HAP1: variants seen among roughly 807,000 people sequenced by gnomAD.
HAP1 encodes the protein huntingtin-associated protein 1.
In HAP1, 59 loss-of-function variants were observed where a neutral mutation model predicts 60.3. The ratio of observed to expected loss-of-function variants is 0.98; its 90% CI spans 0.79 to 1.22. The LOEUF is 1.22. HAP1 is among the 50% of genes most tolerant of loss of function. The pLI is 0.00. For missense variants in HAP1, 825 were observed against 785.3 expected (o/e 1.05, Z -0.60); for synonymous variants, 346 against 330.6 (o/e 1.05, Z -0.50).
rs1380779352 is a variant in HAP1, at chr17:41,725,871, G to A, written c.1394C>T (p.Thr465Ile). 2.5e-6 allele frequency: 4 copies of A among 1,612,870 alleles called. No individual in the cohort carries two copies. Among genetic ancestry groups the A allele is most frequent in the Non-Finnish European group, 3.4e-6 (4 of 1,178,932 alleles). ...ERNYEMPRGD[T>I]SSLRYDFRYS... Reference sequence around the variant, plus strand: ...CTGGCAGGCTTACCTTAGGCTGGATGTGTCCCCTCTGGGCATCTCATAATT... The same window carrying A: ...CTGGCAGGCTTACCTTAGGCTGGATATGTCCCCTCTGGGCATCTCATAATT... The change falls in exon 10 of 11, where the codon ACA becomes ATA. Residue 465 changes from threonine to isoleucine, a missense_variant. Thr to Ile is a moderately conservative substitution (Grantham distance 89). Coordinates refer to ENST00000347901, the MANE Select transcript of HAP1 (RefSeq NM_177977.3).
chr17:41,726,993 C>G, intron 9 of HAP1, 60 bp downstream of exon 9: 1 of 853,226 alleles, frequency 1.2e-6, no homozygotes, highest in Non-Finnish European at 1.9e-6. Context: ...AGGGCAAACC[C>G]CCTCCCCACT....
In HAP1 at chr17:41,734,564, G is replaced by A. The variant is rs781914538; in HGVS notation, c.71C>T (p.Thr24Ile). 8 of 1,605,316 alleles carry A rather than the reference G, an allele frequency of 5.0e-6. No individual in the cohort carries two copies. Among genetic ancestry groups the A allele is most frequent in the South Asian group, 1.1e-5 (1 of 90,476 alleles). The change falls in exon 1 of 11, where the codon ACC becomes ATC. Residue 24 changes from threonine to isoleucine, a missense_variant. By Grantham distance (89) the Thr-to-Ile change is moderately conservative (BLOSUM62 -1). Transcript: ENST00000347901. ...RLGPGDPAAL[T>I]CAPSPSASPA... Reference sequence around the variant, plus strand: ...ACTGGCTGAGGGCGAAGGTGCACAGGTGAGTGCTGCTGGGTCCCCGGGTCC... The same window carrying A: ...ACTGGCTGAGGGCGAAGGTGCACAGATGAGTGCTGCTGGGTCCCCGGGTCC...
At chr17:41,733,027 GGTTTTTTTT>G (rs1912354258) in intron 1 of HAP1, among the ~76,000 whole-genome samples, 1 of 62,334 alleles carries the variant, frequency 1.6e-5, no homozygotes, top group African/African-American at 6.5e-5. Context: ...TAGGTTTTTG[GGTTTTTTTT>G]GGTTTTTTTT....
At chr17:41,731,869 T>C in intron 4 of HAP1, 68 bp downstream of exon 4, 1 of 819,014 alleles carries the variant, frequency 1.2e-6, no homozygotes, top group South Asian at 1.5e-5. Context: ...ATCACCTGTG[T>C]CCCTCTTAAC....
chr17:41,719,722 A>G (rs903254183), downstream of HAP1, among the ~76,000 whole-genome samples: 3 of 151,992 alleles, frequency 2.0e-5, no homozygotes, highest in Admixed American at 6.6e-5. Flanking sequence ...TGGAGATTGC[A>G]GTATTTAGTA....
rs782465342 is a variant in HAP1, at chr17:41,727,814, A to T, written c.1223T>A (p.Leu408Ter). The change falls in exon 8 of 11, where the codon TTG becomes TAG. Residue 408 changes from leucine (L) to a stop codon, truncating the protein, a stop_gained. Transcript: ENST00000347901. LOFTEE classifies it high-confidence loss of function. ...CTTCTCCGAAGCCAGCTGCTTCTGC[A>T]ACTTTTCAGTCTCAGCCCCATACTG... ...CRMYGAETEK[L>*]QKQLASEKEI... 4 of 1,609,272 alleles carry T rather than the reference A, an allele frequency of 2.5e-6. No individual in the cohort carries two copies. In the East Asian group the frequency reaches 6.7e-5, roughly 27 times the overall value.
rs1047027654 is a variant in HAP1 at position 41,734,618 on chromosome 17, A to C, written c.17T>G (p.Leu6Trp). Residue 6 changes from leucine to tryptophan, a missense_variant, in exon 1 of 11, where the codon TTG becomes TGG. Transcript: ENST00000347901. MRPKR[L>W]GRCCAGSRLG... ...CCGGCTCCCCGCGCAGCACCGGCCC[A>C]ACCTCTTCGGGCGCATCTCGAGTCT... The C allele has an allele frequency of 3.2e-6, 5 of 1,546,728 alleles. No individual in the cohort carries two copies. The Admixed American group carries it at 5.6e-5, about 17-fold the overall frequency.
rs782606075 is a variant in HAP1, at chr17:41,727,795, C to T, written c.1242G>A (p.Ser414=). Reference sequence around the variant, plus strand: ...GGAGCTGCATCTGGATTTCCTTCTCCGAAGCCAGCTGCTTCTGCAACTTTT... The same window carrying T: ...GGAGCTGCATCTGGATTTCCTTCTCTGAAGCCAGCTGCTTCTGCAACTTTT... ...ETEKLQKQLA[S]EKEIQMQLQE... Residue 414 remains serine, a synonymous_variant, in exon 8 of 11, where the codon TCG becomes TCA. Coordinates refer to ENST00000347901, the MANE Select transcript of HAP1 (RefSeq NM_177977.3). 2.9e-5 allele frequency: 46 copies of T among 1,611,760 alleles called. 1 individual carries two copies. The highest frequency in any genetic ancestry group is 3.3e-4 in the Middle Eastern group (2 of 6,078).
downstream of HAP1, among the ~76,000 whole-genome samples, chr17:41,718,524 A>G (rs1297768102): frequency 6.6e-6 from 1 of 152,170 alleles, no homozygotes; most frequent in Non-Finnish European, 1.5e-5. Flanking sequence ...CTGTCCCAGA[A>G]GAGGGCTGAG....
intron 3 of HAP1, 22 bp downstream of exon 3, chr17:41,732,208 C>A (rs782629094): frequency 6.2e-7 from 1 of 1,613,478 alleles, no homozygotes; most frequent in South Asian, 1.1e-5. Flanking sequence ...GGCCCGCTAT[C>A]CTCTCCTCCC....
In HAP1 at chr17:41,728,285, G is replaced by A; in HGVS notation, c.1116C>T (p.Leu372=). Residue 372 remains leucine, a synonymous_variant, in exon 7 of 11, where the codon CTC becomes CTT. Coordinates refer to ENST00000347901, the MANE Select transcript of HAP1 (RefSeq NM_177977.3). ...GCTGCCGTTCATAGTTTTCCAGCCT[G>A]AGCACCAGCACCTCCGACAGCTCAG... ...QMAELSEVLV[L]RLENYERQQQ... 6.2e-7 allele frequency: 1 copy of A among 1,613,648 alleles called. No individual in the cohort carries two copies. The highest frequency in any genetic ancestry group is 8.5e-7 in the Non-Finnish European group (1 of 1,179,998).
rs782203962 is a variant in HAP1, at chr17:41,731,557, G to A, written c.1005C>T (p.Ala335=). Residue 335 remains alanine, a splice_region_variant and synonymous_variant, in exon 6 of 11, where the codon GCC becomes GCT. Coordinates refer to ENST00000347901, the MANE Select transcript of HAP1 (RefSeq NM_177977.3). The stretch of plus-strand genomic sequence containing the variant: ...CATCCTCAAGAGTGTCGAGTTGAGA[G>A]GCCTGGAGGGAGACAAAGAGGAAGG... The part of the protein sequence containing the change: ...EEENHQLREE[A]SQLDTLEDEE... 1.9e-6 allele frequency: 3 copies of A among 1,611,528 alleles called. No individual in the cohort carries two copies. Among genetic ancestry groups the A allele is most frequent in the South Asian group, 2.2e-5 (2 of 91,030 alleles).
chr17:41,726,042 G>A (rs1358629715), intron 9 of HAP1, 145 bp from the exon 10 acceptor site: 4 of 664,832 alleles, frequency 6.0e-6, no homozygotes, highest in African/African-American at 5.4e-5. Context: ...GGCCGAGGTG[G>A]GCAGGTCACC....
chr17:41,721,554 G>C (rs2143165436), downstream of HAP1: 1 of 198,796 alleles, frequency 5.0e-6, no homozygotes, highest in Non-Finnish European at 1.1e-5. Flanking sequence ...CCCCATGTCT[G>C]GTTTGTCTGT....
chr17:41,731,552 TGA>T lies in HAP1; in HGVS notation c.1008_1009del (p.Gln337ThrfsTer5). The T allele has an allele frequency of 6.2e-7, 1 of 1,612,718 alleles. No individual in the cohort carries two copies. ...TTCCTCATCCTCAAGAGTGTCGAGTTGAGAGGCCTGGAGGGAGACAAAGAGGA... is the reference window on the plus strand; with the variant it reads ...TTCCTCATCCTCAAGAGTGTCGAGTTGAGGCCTGGAGGGAGACAAAGAGGA... On this transcript the variant is annotated frameshift_variant, in exon 6 of 11. Transcript: ENST00000347901. LOFTEE classifies it high-confidence loss of function.
chr17:41,718,694 T>C (rs1351686436), downstream of HAP1, among the ~76,000 whole-genome samples: 3 of 152,246 alleles, frequency 2.0e-5, no homozygotes, highest in African/African-American at 7.2e-5. Flanking sequence ...GGGTCTAAAG[T>C]TGTCTCCGAC....
chr17:41,723,316 G>A lies in HAP1; in HGVS notation c.*1385C>T, dbSNP rs1333459054. The A allele has an allele frequency of 2.6e-5, 4 of 152,726 alleles. No individual in the cohort carries two copies. Among genetic ancestry groups the A allele is most frequent in the African/African-American group, 9.7e-5 (4 of 41,448 alleles). The allele number at this position is 152,726 out of a possible 1,614,324, so 9.5% of individuals were successfully genotyped here. On this transcript the variant is annotated 3_prime_UTR_variant, in exon 11 of 11. Transcript: ENST00000347901. ...AAGACGTTGGAAAAGCCTCCAACAT[G>A]TGGGAAAGGGCAGAACATGGAAGAG...
chr17:41,725,459 C>T (rs991481666), intron 10 of HAP1, among the ~76,000 whole-genome samples: 15 of 152,188 alleles, frequency 9.9e-5, no homozygotes, highest in Non-Finnish European at 1.5e-5. Flanking sequence ...ACCTTCATAG[C>T]CCACCCCACA....
intron 1 of HAP1, among the ~76,000 whole-genome samples, chr17:41,733,069 T>TTTA (rs1912381433): frequency 6.9e-6 from 1 of 145,684 alleles, no homozygotes; most frequent in Non-Finnish European, 1.5e-5. Flanking sequence ...TTTTTTTTTT[T>TTTA]AGACAAAGCC....
Sources: allele counts gnomAD v4.1 joint callset (sites outside exome capture counted in the v4.1 genomes callset), GRCh38; gene constraint gnomAD v4.1.1; transcripts MANE v1.5; gene names NCBI Gene and HGNC (gene_info 2026-07-23, HGNC 2026-07-21).